Variants in GSE1 observed in about 807,000 individuals in gnomAD.
GSE1 encodes genetic suppressor element 1.
In GSE1, 32 loss-of-function variants were observed where a neutral mutation model predicts 112.6. The observed-to-expected ratio is 0.28, with a 90% confidence interval of 0.21 to 0.38. The LOEUF is 0.38. Ranked by LOEUF, GSE1 falls within the 10% of genes least tolerant of loss-of-function variation. The probability of loss-of-function intolerance (pLI) is 1.00; values close to 1 mark genes in which losing one functional copy is unlikely to be tolerated. For missense variants in GSE1, 2,348 were observed against 1,699.2 expected (o/e 1.38, Z -6.71); for synonymous variants, 1,115 against 735.6 (o/e 1.52, Z -8.35).
At chr16:85,537,066 G>GGCTCCAGTGAA (rs1385557492) in intron 2 of GSE1, among the ~76,000 whole-genome samples, 6 of 152,242 alleles carry the variant, frequency 3.9e-5, no homozygotes, top group Middle Eastern at 3.2e-3. Context: ...CGCCCAGGAA[G>GGCTCCAGTGAA]GCTCCAGTGA....
chr16:85,613,136 C>A, upstream of GSE1: 1 of 1,254,790 alleles, frequency 8.0e-7, no homozygotes, highest in Non-Finnish European at 1.0e-6. Context: ...GGCTGAAACC[C>A]GACACCTCCC....
intron 1 of GSE1, among the ~76,000 whole-genome samples, chr16:85,274,500 C>T (rs1909163084): frequency 6.6e-6 from 1 of 152,240 alleles, no homozygotes; most frequent in Admixed American, 6.5e-5. Flanking sequence ...CTGGCTCAGG[C>T]ATCCCAGTGG....
chr16:85,448,145 GGATGTGCA>G (rs1297486493), intron 2 of GSE1, among the ~76,000 whole-genome samples: 1 of 152,240 alleles, frequency 6.6e-6, no homozygotes, highest in Non-Finnish European at 1.5e-5. Flanking sequence ...CTCTGGAAAA[GGATGTGCA>G]GACTTGAAGA....
chr16:85,435,445 C>G (rs369080816), intron 2 of GSE1, among the ~76,000 whole-genome samples: 5 of 152,216 alleles, frequency 3.3e-5, no homozygotes, highest in African/African-American at 1.2e-4. Context: ...CCCTCTCCCT[C>G]GACTGCAGCG....
chr16:85,531,967 G>A (rs745586442), intron 2 of GSE1, among the ~76,000 whole-genome samples: 2 of 152,178 alleles, frequency 1.3e-5, no homozygotes, highest in Admixed American at 6.5e-5. Context: ...GAAGGGGCGC[G>A]AGTAGGGGGG....
chr16:85,626,556 G>A (rs1176554785), intron 1 of GSE1, among the ~76,000 whole-genome samples: 2 of 152,222 alleles, frequency 1.3e-5, no homozygotes, highest in South Asian at 2.1e-4. Flanking sequence ...GTGTGTGCGG[G>A]GCCTGAAAGT....
chr16:85,389,489 C>G (rs1025549800), intron 2 of GSE1, among the ~76,000 whole-genome samples: 3 of 148,728 alleles, frequency 2.0e-5, no homozygotes, highest in Non-Finnish European at 3.0e-5. Flanking sequence ...AAAGTGGCTG[C>G]TAGGGTCATA....
At chr16:85,670,713 A>C in intron 14 of GSE1, 1 of 210,792 alleles carries the variant, frequency 4.7e-6, no homozygotes, top group Non-Finnish European at 9.3e-6. Context: ...TGAAAGCTGC[A>C]TTTTAAGGCC....
chr16:85,184,587 A>C (rs1847721354), intron 1 of GSE1, among the ~76,000 whole-genome samples: 1 of 152,228 alleles, frequency 6.6e-6, no homozygotes, highest in Admixed American at 6.5e-5. Context: ...TAATAGAGGC[A>C]ATTAAAGCTA....
Position 85,283,740 on chromosome 16 carries a change from T to A in GSE1, c.2284-73723T>A, listed in dbSNP as rs183907913. On this transcript the variant is annotated intron_variant, in intron 1 of 2. Transcript: ENST00000637419. The stretch of plus-strand genomic sequence containing the variant: ...ATTCTGCTGGGCCTGTTCTCAGTGC[T>A]TCATAAGTGTATTAGCTCATTCAGC... Among the ~76,000 whole-genome samples the A allele has an allele frequency of 4.1e-3, 631 of 152,344 alleles. 2 individuals carry two copies. Among genetic ancestry groups the A allele is most frequent in the African/African-American group, 0.014 (591 of 41,578 alleles).
At chr16:85,213,548 A>G (rs1030057917) in intron 1 of GSE1, among the ~76,000 whole-genome samples, 1 of 152,362 alleles carries the variant, frequency 6.6e-6, no homozygotes, top group Admixed American at 6.5e-5. Flanking sequence ...TGCAGGGCAC[A>G]ATTCCAACAG....
At chr16:85,343,281 C>T (rs1354170577) in intron 1 of GSE1, among the ~76,000 whole-genome samples, 7 of 152,188 alleles carry the variant, frequency 4.6e-5, no homozygotes, top group Non-Finnish European at 1.0e-4. Context: ...ATTCCATTTC[C>T]ATTACGTGCT....
intron 1 of GSE1, among the ~76,000 whole-genome samples, chr16:85,181,342 C>T (rs967199237): frequency 3.9e-5 from 6 of 152,142 alleles, no homozygotes; most frequent in East Asian, 3.9e-4. Flanking sequence ...TAAGAGAGTT[C>T]GGGGTGGAGG....
intron 1 of GSE1, among the ~76,000 whole-genome samples, chr16:85,273,077 A>G (rs559507319): frequency 4.9e-4 from 75 of 152,260 alleles, no homozygotes; most frequent in African/African-American, 1.7e-3. Flanking sequence ...TGCCCAGCCC[A>G]TGGGGGCCCT....
At position 85,627,044 on chromosome 16, in the gene GSE1, C is replaced by CTTTTTTTTTTTTTTTTTTTTTTTTTT. The variant is rs564272210; in HGVS notation, c.8-6863_8-6838dup. Among the ~76,000 whole-genome samples, 40 of 25,068 alleles carry CTTTTTTTTTTTTTTTTTTTTTTTTTT rather than the reference C, an allele frequency of 1.6e-3. 7 individuals are homozygous for CTTTTTTTTTTTTTTTTTTTTTTTTTT. Among genetic ancestry groups the CTTTTTTTTTTTTTTTTTTTTTTTTTT allele is most frequent in the East Asian group, 3.6e-3 (2 of 554 alleles). 16.4% of individuals were successfully genotyped at this position (25,068 alleles called of 152,430 possible). ...GGACTTTGCTTCCTTTTCTTCTTGC[C>CTTTTTTTTTTTTTTTTTTTTTTTTTT]TTTTTTTTTTTTTTTTTTTTTTTTT... is the stretch of plus-strand genomic sequence containing the variant. On this transcript the variant is annotated intron_variant, in intron 1 of 15. Coordinates refer to ENST00000253458, the MANE Select transcript of GSE1 (RefSeq NM_014615.5).
intron 2 of GSE1, among the ~76,000 whole-genome samples, chr16:85,642,407 C>A (rs1371535348): frequency 6.6e-6 from 1 of 152,206 alleles, no homozygotes; most frequent in East Asian, 1.9e-4. Flanking sequence ...CACACAGGGT[C>A]CCCTGGGTTC....
chr16:85,606,841 G>A (rs572425726), upstream of GSE1, among the ~76,000 whole-genome samples: 1 of 152,348 alleles, frequency 6.6e-6, no homozygotes, highest in African/African-American at 2.4e-5. Flanking sequence ...GGTGGCAGAA[G>A]CGTCCAAAAC....
At chr16:85,415,128 C>T (rs1244104948) in intron 2 of GSE1, among the ~76,000 whole-genome samples, 2 of 152,146 alleles carry the variant, frequency 1.3e-5, no homozygotes, top group Non-Finnish European at 2.9e-5. Context: ...TCTGTAGAGA[C>T]AGGGTCTCCC....
intron 1 of GSE1, among the ~76,000 whole-genome samples, chr16:85,354,740 C>T (rs16975543): frequency 3.3e-5 from 5 of 152,354 alleles, no homozygotes; most frequent in East Asian, 3.9e-4. Context: ...AGCCGTCCCT[C>T]GCAGCAGGAG....
Sources: gnomAD v4.1 joint callset for allele counts (sites outside exome capture counted in the v4.1 genomes callset) on GRCh38, gnomAD v4.1.1 for gene constraint, MANE v1.5 for transcripts, NCBI Gene and HGNC (gene_info 2026-07-23, HGNC 2026-07-21) for gene names.